Variants in THEMIS observed in about 807,000 individuals in gnomAD.
THEMIS encodes protein THEMIS.
A neutral mutation model predicts 52.6 loss-of-function variants in THEMIS; 37 were observed. That is an observed-to-expected ratio of 0.70 (90% CI 0.54 to 0.93). The LOEUF is 0.93. Among genes scored for constraint, THEMIS ranks in the 40% least tolerant of loss-of-function variants. The pLI, the probability that THEMIS is intolerant of heterozygous loss-of-function variation, is 0.00. For synonymous variants in THEMIS, 292 were observed against 272.7 expected (o/e 1.07, Z -0.70); for missense variants, 808 against 763.1 (o/e 1.06, Z -0.69).
chr6:127,817,091 C>A (rs1650829745), intron 3 of THEMIS, among the ~76,000 whole-genome samples: 2 of 152,146 alleles, frequency 1.3e-5, no homozygotes, highest in Non-Finnish European at 2.9e-5. Flanking sequence ...TTCCATATAA[C>A]TTGTTAATTT....
chr6:127,911,995 C>T (rs1781423179), intron 1 of THEMIS, among the ~76,000 whole-genome samples: 1 of 152,118 alleles, frequency 6.6e-6, no homozygotes, highest in Non-Finnish European at 1.5e-5. Context: ...ATGTTTTTCT[C>T]ATGGTTCACC....
chr6:127,717,761 G>T (rs1047132300), intron 5 of THEMIS, among the ~76,000 whole-genome samples: 1 of 151,352 alleles, frequency 6.6e-6, no homozygotes, highest in Non-Finnish European at 1.5e-5. Flanking sequence ...AAAGAATTAG[G>T]TCTGGGTATC....
At chr6:127,832,250 C>T (rs1778720110) in intron 2 of THEMIS, among the ~76,000 whole-genome samples, 2 of 152,128 alleles carry the variant, frequency 1.3e-5, no homozygotes, top group African/African-American at 2.4e-5. Flanking sequence ...GTTAATCACA[C>T]TATTCAGAGC....
At chr6:127,894,308 C>A (rs1780899484) in intron 1 of THEMIS, among the ~76,000 whole-genome samples, 1 of 151,824 alleles carries the variant, frequency 6.6e-6, no homozygotes, top group Non-Finnish European at 1.5e-5. Context: ...AAACCACAAC[C>A]AATTCCAAAT....
intron 1 of THEMIS, 73 bp from the exon 2 acceptor site, chr6:127,855,261 A>G (rs1241496464): frequency 7.7e-7 from 1 of 1,300,276 alleles, no homozygotes; most frequent in Non-Finnish European, 1.0e-6. Context: ...TCAAAAGCTT[A>G]ATATAAAGTG....
At chr6:127,704,758 T>C (rs968549667), downstream of THEMIS, among the ~76,000 whole-genome samples, 3 of 152,194 alleles carry the variant, frequency 2.0e-5, no homozygotes, top group Non-Finnish European at 4.4e-5. Context: ...GCTGTGCCAA[T>C]GAGTGACTGA....
chr6:127,729,624 C>T (rs534778803), intron 4 of THEMIS, among the ~76,000 whole-genome samples: 63 of 152,286 alleles, frequency 4.1e-4, no homozygotes, highest in African/African-American at 1.3e-3. Context: ...TTCCACTCTT[C>T]CCATGACATA....
chr6:127,852,288 G>C (rs1779454816), intron 2 of THEMIS, among the ~76,000 whole-genome samples: 1 of 151,484 alleles, frequency 6.6e-6, no homozygotes. Flanking sequence ...TTCAACAATA[G>C]TAGCTGGAAA....
chr6:127,762,417 A>G (rs892296461), intron 4 of THEMIS, among the ~76,000 whole-genome samples: 1 of 152,162 alleles, frequency 6.6e-6, no homozygotes, highest in Admixed American at 6.6e-5. Context: ...CTGAAACAAT[A>G]ACAAATACAA....
chr6:127,805,687 C>A (rs971506406), intron 4 of THEMIS, among the ~76,000 whole-genome samples: 1 of 151,908 alleles, frequency 6.6e-6, no homozygotes, highest in Non-Finnish European at 1.5e-5. Flanking sequence ...GGAAGCAAAG[C>A]ATAAATATAT....
At chr6:127,696,790 TAC>T in the THEMIS span, among the ~76,000 whole-genome samples, 174 of 152,274 alleles carry the variant, frequency 1.1e-3, no homozygotes, top group Middle Eastern at 0.01. Context: ...TCTCTGTCTT[TAC>T]ATAGTCTTTC....
chr6:127,852,774 G>A (rs897319453), intron 2 of THEMIS, among the ~76,000 whole-genome samples: 1 of 151,226 alleles, frequency 6.6e-6, no homozygotes, highest in Non-Finnish European at 1.5e-5. Flanking sequence ...CCTGTATCTG[G>A]GATCCCTTTC....
chr6:127,848,058 T>A (rs1336188463), intron 2 of THEMIS, among the ~76,000 whole-genome samples: 1 of 83,338 alleles, frequency 1.2e-5, no homozygotes. Flanking sequence ...CCTAATGCTA[T>A]CCCTCCCCCC....
At chr6:127,858,125 A>G (rs1375398404) in intron 1 of THEMIS, among the ~76,000 whole-genome samples, 1 of 152,088 alleles carries the variant, frequency 6.6e-6, no homozygotes, top group Non-Finnish European at 1.5e-5. Context: ...GGAATTCAAA[A>G]TAAAAAGATA....
intron 4 of THEMIS, among the ~76,000 whole-genome samples, chr6:127,797,605 G>T (rs532292390): frequency 6.6e-6 from 1 of 152,114 alleles, no homozygotes; most frequent in Non-Finnish European, 1.5e-5. Flanking sequence ...CAGCTCATTG[G>T]CAAGACCTCC....
At chr6:127,834,243 A>G (rs1196051113) in intron 2 of THEMIS, among the ~76,000 whole-genome samples, 1 of 152,104 alleles carries the variant, frequency 6.6e-6, no homozygotes, top group African/African-American at 2.4e-5. Context: ...AAGTGAGACT[A>G]TAGAATGCCT....
intron 1 of THEMIS, among the ~76,000 whole-genome samples, chr6:127,893,668 G>A (rs1163159993): frequency 6.6e-6 from 1 of 151,990 alleles, no homozygotes; most frequent in African/African-American, 2.4e-5. Flanking sequence ...GGTTGTCAAC[G>A]GCGAGTATTC....
intron 4 of THEMIS, among the ~76,000 whole-genome samples, chr6:127,763,761 G>T (rs1351817285): frequency 2.0e-5 from 3 of 151,836 alleles, no homozygotes. Context: ...AAATGTAAAA[G>T]TAAGTTTTGT....
intron 3 of THEMIS, among the ~76,000 whole-genome samples, chr6:127,825,560 GAAGA>G (rs1778480444): frequency 6.6e-6 from 1 of 152,132 alleles, no homozygotes; most frequent in African/African-American, 2.4e-5. Context: ...ATAAAAATTG[GAAGA>G]AAGTCAAGAT....
Sources: gnomAD v4.1 joint callset for allele counts (sites outside exome capture counted in the v4.1 genomes callset) on GRCh38, gnomAD v4.1.1 for gene constraint, MANE v1.5 for transcripts, NCBI Gene and HGNC (gene_info 2026-07-23, HGNC 2026-07-21) for gene names.